The following SPMIP11 variants were observed in gnomAD, a reference collection of about 807,000 sequenced individuals.
SPMIP11 encodes the protein long intergenic non-protein coding RNA 935.
chr12:48,770,902 G>C, the SPMIP11 span: 1 of 1,614,236 alleles, frequency 6.2e-7, no homozygotes, highest in Non-Finnish European at 8.5e-7. Context: ...TCAGCCCTGA[G>C]GCAGCCATGT....
the SPMIP11 span, chr12:48,768,093 A>T: frequency 5.2e-6 from 1 of 191,160 alleles, no homozygotes; most frequent in Non-Finnish European, 1.1e-5. Flanking sequence ...AGTGCCCAGG[A>T]CCAGTGCTGG....
the SPMIP11 span, chr12:48,759,457 G>A: frequency 3.3e-6 from 2 of 597,304 alleles, no homozygotes; most frequent in Non-Finnish European, 6.1e-6. Flanking sequence ...GGGAGGCCGA[G>A]GCAGGCGGAT....
At chr12:48,751,685 T>A in the SPMIP11 span, among the ~76,000 whole-genome samples, 1 of 152,200 alleles carries the variant, frequency 6.6e-6, no homozygotes, top group African/African-American at 2.4e-5. Context: ...AAATTCATAG[T>A]GCCTCAGTTT....
the SPMIP11 span, among the ~76,000 whole-genome samples, chr12:48,748,334 A>G: frequency 6.6e-6 from 1 of 152,014 alleles, no homozygotes; most frequent in Admixed American, 6.6e-5. Context: ...CAAATATGCT[A>G]TAATCTCTTT....
At chr12:48,765,826 G>T in the SPMIP11 span, 2 of 607,052 alleles carry the variant, frequency 3.3e-6, no homozygotes, top group East Asian at 5.7e-5. Flanking sequence ...GTGGGGTCAG[G>T]ATGGGAGTGA....
chr12:48,762,452 C>G, the SPMIP11 span, among the ~76,000 whole-genome samples: 2 of 142,856 alleles, frequency 1.4e-5, no homozygotes, highest in African/African-American at 5.3e-5. Flanking sequence ...ACTGCAACCT[C>G]TGCCTCCCAG....
chr12:48,727,595 A>G, the SPMIP11 span: 1 of 701,012 alleles, frequency 1.4e-6, no homozygotes, highest in Non-Finnish European at 2.6e-6. Flanking sequence ...TAGAAGGGCC[A>G]CTTCTTTACC....
the SPMIP11 span, among the ~76,000 whole-genome samples, chr12:48,756,619 G>A: frequency 3.3e-5 from 5 of 152,034 alleles, no homozygotes; most frequent in Admixed American, 1.3e-4. Flanking sequence ...AGCAATCCTC[G>A]GCAATTTCCA....
the SPMIP11 span, among the ~76,000 whole-genome samples, chr12:48,734,903 G>A: frequency 5.3e-5 from 8 of 151,218 alleles, no homozygotes; most frequent in Non-Finnish European, 1.0e-4. Context: ...TACTCGGGAG[G>A]CTGAGGCAGG....
At chr12:48,762,309 C>T in the SPMIP11 span, among the ~76,000 whole-genome samples, 2 of 146,952 alleles carry the variant, frequency 1.4e-5, no homozygotes, top group African/African-American at 5.0e-5. Flanking sequence ...CCGCCCACCT[C>T]GGCCTCCCAA....
chr12:48,742,203 TAGCCCCC>T, the SPMIP11 span, among the ~76,000 whole-genome samples: 294 of 151,732 alleles, frequency 1.9e-3, no homozygotes, highest in Admixed American at 3.0e-3. Context: ...CCACCTCACC[TAGCCCCC>T]AGCTTTTAAG....
At chr12:48,768,975 TAG>T in the SPMIP11 span, 1 of 1,614,062 alleles carries the variant, frequency 6.2e-7, no homozygotes, top group African/African-American at 1.3e-5. Context: ...TCCATACGAC[TAG>T]AGACATTCAC....
the SPMIP11 span, chr12:48,766,811 G>A: frequency 1.4e-3 from 210 of 152,492 alleles, no homozygotes; most frequent in Middle Eastern, 6.8e-3. Context: ...TCATTTCCAA[G>A]ACAAAGTGAT....
At chr12:48,736,967 T>C in the SPMIP11 span, among the ~76,000 whole-genome samples, 1 of 151,778 alleles carries the variant, frequency 6.6e-6, no homozygotes, top group Non-Finnish European at 1.5e-5. Context: ...TTTTTTTTTC[T>C]GAGATAGGGT....
chr12:48,732,839 T>A, the SPMIP11 span, among the ~76,000 whole-genome samples: 1 of 150,160 alleles, frequency 6.7e-6, no homozygotes, highest in Admixed American at 6.6e-5. Flanking sequence ...GTGAGTTAAT[T>A]TTTTAAAAGA....
chr12:48,758,796 C>T, the SPMIP11 span, among the ~76,000 whole-genome samples: 5 of 152,182 alleles, frequency 3.3e-5, no homozygotes, highest in Non-Finnish European at 7.3e-5. Context: ...CTACTGTAAC[C>T]TACCTCCTTC....
the SPMIP11 span, among the ~76,000 whole-genome samples, chr12:48,742,775 C>G: frequency 6.6e-6 from 1 of 150,986 alleles, no homozygotes; most frequent in Non-Finnish European, 1.5e-5. Flanking sequence ...ATCCCAGCTA[C>G]TCAGGAGGCT....
chr12:48,754,850 G>A, the SPMIP11 span, among the ~76,000 whole-genome samples: 2 of 147,486 alleles, frequency 1.4e-5, no homozygotes, highest in East Asian at 2.0e-4. Context: ...GAACTTCAGC[G>A]ATCTTCCCAC....
the SPMIP11 span, among the ~76,000 whole-genome samples, chr12:48,769,638 G>A: frequency 1.3e-5 from 2 of 149,798 alleles, no homozygotes; most frequent in South Asian, 4.2e-4. Context: ...CCAGGATGGA[G>A]TGCAGTGGCA....
Sources: gnomAD v4.1 joint callset for allele counts (sites outside exome capture counted in the v4.1 genomes callset) on GRCh38, gnomAD v4.1.1 for gene constraint, MANE v1.5 for transcripts, NCBI Gene and HGNC (gene_info 2026-07-23, HGNC 2026-07-21) for gene names.